The following CAMK1D variants were observed in gnomAD, a reference collection of about 807,000 sequenced individuals.
CAMK1D encodes calcium/calmodulin-dependent protein kinase type 1D.
CAMK1D carries 9 observed loss-of-function variants against 47.7 expected under a neutral mutation model. The ratio of observed to expected loss-of-function variants is 0.19; its 90% CI spans 0.11 to 0.33. The LOEUF is 0.33. Ranked by LOEUF, CAMK1D falls within the 10% of genes least tolerant of loss-of-function variation. The pLI, the probability that CAMK1D is intolerant of heterozygous loss-of-function variation, is 1.00. For missense variants in CAMK1D, 291 were observed against 488.7 expected (o/e 0.60, Z 3.81); for synonymous variants, 184 against 184.9 (o/e 0.99, Z 0.04).
At chr10:12,417,210 TGGACC>T (rs1839882581) in intron 1 of CAMK1D, among the ~76,000 whole-genome samples, 1 of 152,160 alleles carries the variant, frequency 6.6e-6, no homozygotes. Flanking sequence ...CGCAGGATGA[TGGACC>T]CTATGACCTT....
At chr10:12,442,698 G>A (rs1370524667) in intron 1 of CAMK1D, among the ~76,000 whole-genome samples, 1 of 152,068 alleles carries the variant, frequency 6.6e-6, no homozygotes, top group African/African-American at 2.4e-5. Context: ...TGATATCATG[G>A]TTTAGGTTCT....
At chr10:12,656,546 T>C (rs553965493) in intron 2 of CAMK1D, among the ~76,000 whole-genome samples, 1 of 152,340 alleles carries the variant, frequency 6.6e-6, no homozygotes, top group Non-Finnish European at 1.5e-5. Flanking sequence ...GTTTTTATTG[T>C]CATTTGTTTG....
intron 2 of CAMK1D, among the ~76,000 whole-genome samples, chr10:12,561,111 GT>G (rs1198279744): frequency 6.6e-6 from 1 of 151,942 alleles, no homozygotes; most frequent in African/African-American, 2.4e-5. Context: ...TAGAGACAGG[GT>G]TTCACCGTGT....
intron 1 of CAMK1D, among the ~76,000 whole-genome samples, chr10:12,439,810 G>C (rs1832732460): frequency 6.6e-6 from 1 of 152,330 alleles, no homozygotes; most frequent in Middle Eastern, 3.4e-3. Context: ...AATTTATAGA[G>C]AAAAAGAGGT....
At chr10:12,814,097 T>G (rs1220369954) in intron 6 of CAMK1D, 98 bp from the exon 7 acceptor site, 4 of 805,748 alleles carry the variant, frequency 5.0e-6, no homozygotes, top group African/African-American at 3.4e-5. Context: ...CCAGATTTTC[T>G]TAACTCAGTT....
intron 3 of CAMK1D, among the ~76,000 whole-genome samples, chr10:12,689,069 A>T (rs1195004804): frequency 2.6e-5 from 4 of 152,256 alleles, no homozygotes; most frequent in Admixed American, 6.5e-5. Flanking sequence ...TAGAATGCTT[A>T]GCAGCGGGAG....
At chr10:12,421,800 G>A (rs11257785) in intron 1 of CAMK1D, among the ~76,000 whole-genome samples, 1 of 148,196 alleles carries the variant, frequency 6.7e-6, no homozygotes, top group African/African-American at 2.5e-5. Context: ...TTTTCTATTC[G>A]CTTGGGGGCA....
chr10:12,616,562 G>T (rs2132426433), intron 2 of CAMK1D, among the ~76,000 whole-genome samples: 1 of 152,250 alleles, frequency 6.6e-6, no homozygotes, highest in South Asian at 2.1e-4. Flanking sequence ...CTGTCTCCCA[G>T]GCTGGGGTGC....
intron 1 of CAMK1D, among the ~76,000 whole-genome samples, chr10:12,466,758 G>A (rs1018707881): frequency 6.6e-6 from 1 of 152,122 alleles, no homozygotes; most frequent in Non-Finnish European, 1.5e-5. Context: ...GGAAGGATCT[G>A]TGCCTGGGAA....
intron 5 of CAMK1D, among the ~76,000 whole-genome samples, chr10:12,782,954 T>G (rs1230123895): frequency 6.6e-6 from 1 of 152,000 alleles, no homozygotes; most frequent in East Asian, 1.9e-4. Flanking sequence ...AACAGACTTG[T>G]TTTTTAGAGT....
chr10:12,447,797 G>A (rs1463821601), intron 1 of CAMK1D, among the ~76,000 whole-genome samples: 1 of 150,410 alleles, frequency 6.6e-6, no homozygotes, highest in Non-Finnish European at 1.5e-5. Flanking sequence ...CCTGAGTAAC[G>A]AGGACTACAG....
chr10:12,365,575 A>G (rs560022823), intron 1 of CAMK1D, among the ~76,000 whole-genome samples: 13 of 151,918 alleles, frequency 8.6e-5, no homozygotes, highest in Non-Finnish European at 1.9e-4. Context: ...AGTAGCTGGG[A>G]CTACAGGCGC....
chr10:12,522,816 CGGGCGG>C (rs1227061557), intron 1 of CAMK1D, among the ~76,000 whole-genome samples: 7 of 98,164 alleles, frequency 7.1e-5, no homozygotes, highest in Admixed American at 1.9e-4. Flanking sequence ...GGCGGCTGGC[CGGGCGG>C]AGGCGCCCCC....
intron 2 of CAMK1D, among the ~76,000 whole-genome samples, chr10:12,572,461 A>G (rs1837357360): frequency 6.6e-6 from 1 of 152,096 alleles, no homozygotes; most frequent in African/African-American, 2.4e-5. Flanking sequence ...TTGCATAGCA[A>G]AGGATTGAGG....
At chr10:12,771,570 C>T (rs7912119) in intron 5 of CAMK1D, among the ~76,000 whole-genome samples, 139 of 151,962 alleles carry the variant, frequency 9.1e-4, no homozygotes, top group Non-Finnish European at 1.9e-3. Context: ...GGGCAGAGAA[C>T]AAAATAAGGG....
chr10:12,730,732 C>T (rs554838365), intron 3 of CAMK1D, among the ~76,000 whole-genome samples: 1 of 152,152 alleles, frequency 6.6e-6, no homozygotes, highest in Admixed American at 6.5e-5. Flanking sequence ...GAAGGTAAGT[C>T]GAGAAGGTGG....
At chr10:12,351,560 G>C (rs1305976845) in intron 1 of CAMK1D, among the ~76,000 whole-genome samples, 2 of 152,150 alleles carry the variant, frequency 1.3e-5, no homozygotes, top group Admixed American at 6.5e-5. Flanking sequence ...GTTCCCACCC[G>C]AGCCCCCCAC....
intron 2 of CAMK1D, among the ~76,000 whole-genome samples, chr10:12,585,980 C>A (rs61848330): frequency 0.18 from 27,683 of 152,066 alleles, 2,649 homozygotes; most frequent in Middle Eastern, 0.24. Flanking sequence ...GGCAGGTAAG[C>A]CACCAGCATC....
At chr10:12,352,435 C>CAT (rs1837380333) in intron 1 of CAMK1D, among the ~76,000 whole-genome samples, 2 of 151,704 alleles carry the variant, frequency 1.3e-5, no homozygotes, top group Non-Finnish European at 2.9e-5. Flanking sequence ...ATGGTGAAAC[C>CAT]CTGTTGCTAC....
Sources: allele counts gnomAD v4.1 joint callset (sites outside exome capture counted in the v4.1 genomes callset), GRCh38; gene constraint gnomAD v4.1.1; transcripts MANE v1.5; gene names NCBI Gene and HGNC (gene_info 2026-07-23, HGNC 2026-07-21).